Variants in DOCK7 observed in about 807,000 individuals in gnomAD.
The protein encoded by DOCK7 is dedicator of cytokinesis 7, also known as dedicator of cytokinesis protein 7.
Under a neutral mutation model 271.0 loss-of-function variants are expected in DOCK7, and 138 were observed. The observed-to-expected ratio is 0.51, with a 90% CI of 0.44 to 0.59. DOCK7 has a LOEUF of 0.59. Ranked by LOEUF, DOCK7 falls within the 20% of genes least tolerant of loss-of-function variation. DOCK7 has a pLI of 0.00. For synonymous variants in DOCK7, 823 were observed against 876.1 expected, an observed-to-expected ratio of 0.94 and a Z score of 1.07; for missense variants, 2,066 against 2,592.4, an observed-to-expected ratio of 0.80 and a Z score of 4.41.
chr1:62,470,315 A>G (rs1017830389), intron 48 of DOCK7, among the ~76,000 whole-genome samples: 4 of 152,234 alleles, frequency 2.6e-5, no homozygotes, highest in African/African-American at 9.6e-5. Context: ...TAACTCAGGA[A>G]TGAAAAAACC....
intron 23 of DOCK7, among the ~76,000 whole-genome samples, chr1:62,544,046 C>A (rs1167419081): frequency 6.6e-6 from 1 of 151,900 alleles, no homozygotes; most frequent in Non-Finnish European, 1.5e-5. Flanking sequence ...TATACATGCA[C>A]ATATCTAGTA....
intron 18 of DOCK7, among the ~76,000 whole-genome samples, chr1:62,568,038 G>T (rs1220195985): frequency 6.6e-6 from 1 of 151,960 alleles, no homozygotes; most frequent in African/African-American, 2.4e-5. Context: ...CAAAATAACT[G>T]AAATAATAAC....
intron 12 of DOCK7, among the ~76,000 whole-genome samples, chr1:62,621,765 G>C (rs1035797092): frequency 6.6e-5 from 10 of 152,248 alleles, no homozygotes; most frequent in Non-Finnish European, 1.5e-4. Context: ...TGTTCTATCA[G>C]TTGTTGAAAA....
At chr1:62,527,026 A>G (rs754116620) in intron 31 of DOCK7, among the ~76,000 whole-genome samples, 3 of 152,190 alleles carry the variant, frequency 2.0e-5, no homozygotes, top group Non-Finnish European at 2.9e-5. Flanking sequence ...AAAAACCATT[A>G]AGGTATATAT....
chr1:62,486,659 C>T (rs1646302762), intron 43 of DOCK7: 1 of 151,994 alleles, frequency 6.6e-6, no homozygotes, highest in Non-Finnish European at 1.5e-5. Context: ...TCTTATCAAA[C>T]AATATATCAA....
At position 62,631,280 on chromosome 1, in the gene DOCK7, A is replaced by G; in HGVS notation, c.1242T>C (p.Ser414=). Residue 414 remains serine, a synonymous_variant, in exon 11 of 50, where the codon AGT becomes AGC. Coordinates refer to ENST00000635253, the MANE Select transcript of DOCK7 (RefSeq NM_001367561.1). ...HLMNIVSSAG[S]LERDSTEVEI... is the part of the protein sequence containing the mutation. ...CTACTTCTGTAGAATCTCTTTCCAA[A>G]CTCCCAGCACTGCTAACAATATTCA... The G allele has an allele frequency of 6.2e-7, 1 of 1,610,514 alleles. No individual in the cohort carries two copies. Among genetic ancestry groups the G allele is most frequent in the Non-Finnish European group, 8.5e-7 (1 of 1,178,886 alleles).
chr1:62,644,884 G>C (rs1006660598), intron 7 of DOCK7, among the ~76,000 whole-genome samples: 6 of 152,088 alleles, frequency 3.9e-5, no homozygotes, highest in African/African-American at 1.4e-4. Flanking sequence ...TTTAATGAGA[G>C]ACAAACAAAA....
At chr1:62,519,434 C>A (rs895891312) in intron 31 of DOCK7, among the ~76,000 whole-genome samples, 1 of 151,912 alleles carries the variant, frequency 6.6e-6, no homozygotes, top group South Asian at 2.1e-4. Context: ...TTTAATTTGG[C>A]CAAAATCAGA....
At chr1:62,578,520 G>A (rs796327889) in intron 17 of DOCK7, among the ~76,000 whole-genome samples, 1 of 152,108 alleles carries the variant, frequency 6.6e-6, no homozygotes, top group African/African-American at 2.4e-5. Flanking sequence ...AAGAGTTTGA[G>A]ACCAACTTGG....
intron 48 of DOCK7, among the ~76,000 whole-genome samples, chr1:62,461,249 TATC>T (rs1309360582): frequency 6.6e-6 from 1 of 152,110 alleles, no homozygotes; most frequent in African/African-American, 2.4e-5. Context: ...ACGTCCTAAA[TATC>T]ATTATAAGAC....
At chr1:62,597,633 A>AG (rs779437563) in intron 14 of DOCK7, 1 of 1,613,246 alleles carries the variant, frequency 6.2e-7, no homozygotes, top group Non-Finnish European at 8.5e-7. Context: ...TGATCAAGAC[A>AG]ATTCATCATT....
intron 1 of DOCK7, among the ~76,000 whole-genome samples, chr1:62,681,541 T>TAAAAAA (rs972472061): frequency 1.8e-4 from 2 of 11,062 alleles, no homozygotes; most frequent in Non-Finnish European, 5.9e-4. Context: ...TAATAAAAAA[T>TAAAAAA]AAAAAAAATA....
At chr1:62,544,150 A>G (rs1306738490) in intron 23 of DOCK7, among the ~76,000 whole-genome samples, 1 of 152,214 alleles carries the variant, frequency 6.6e-6, no homozygotes, top group African/African-American at 2.4e-5. Context: ...AAAGTTTAGA[A>G]TAATTTCTTT....
In DOCK7 at chr1:62,455,527, A is replaced by G. The variant is rs773300784; in HGVS notation, c.6381-71T>C. 9 of 1,460,140 alleles carry G rather than the reference A, an allele frequency of 6.2e-6. No homozygotes were observed. The East Asian group carries it at 2.1e-4, about 34-fold the overall frequency. 90.4% of individuals were successfully genotyped at this position (1,460,140 alleles called of 1,614,324 possible). A position where few individuals can be genotyped will look rare whatever the true frequency, so the allele number is the denominator to read the frequency against. ...TTGCATATACCTTTAAATGTCTTAC[A>G]TGGTTTTTTCTGCCAGTTACCTTAA... On this transcript the variant is annotated intron_variant, in intron 49 of 49. Transcript: ENST00000635253.
intron 14 of DOCK7, among the ~76,000 whole-genome samples, chr1:62,588,379 T>C (rs1476150903): frequency 3.3e-5 from 5 of 152,156 alleles, no homozygotes; most frequent in Non-Finnish European, 7.4e-5. Flanking sequence ...GCAAAAGCCC[T>C]ATAGGAGGAA....
Position 62,588,415 on chromosome 1 carries a change from G to A in DOCK7, c.1683-1791C>T, listed in dbSNP as rs541137020. The stretch of plus-strand genomic sequence containing the variant: ...AAAATAGGTACCTAGCTGTCTGTGG[G>A]GAAGTCTTTTCATTTATAAGATCCC... On this transcript the variant is annotated intron_variant, in intron 14 of 49. Transcript: ENST00000635253. Among the ~76,000 whole-genome samples, 15 of 152,220 alleles carry A rather than the reference G, an allele frequency of 9.9e-5. No individual in the cohort carries two copies. The East Asian group carries it at 2.9e-3, about 29-fold the overall frequency.
At chr1:62,490,944 A>C (rs1188252664) in intron 41 of DOCK7, among the ~76,000 whole-genome samples, 5 of 152,202 alleles carry the variant, frequency 3.3e-5, no homozygotes, top group African/African-American at 1.2e-4. Context: ...AGAGTCTCAC[A>C]ATTGCCAATA....
At chr1:62,505,627 C>G (rs927203660) in intron 36 of DOCK7, 55 bp downstream of exon 36, 2 of 1,548,670 alleles carry the variant, frequency 1.3e-6, no homozygotes, top group Non-Finnish European at 1.7e-6. Flanking sequence ...TGATCTTAGA[C>G]AATGTTAATA....
At chr1:62,602,988 C>CT (rs1188141067) in intron 14 of DOCK7, among the ~76,000 whole-genome samples, 10 of 151,732 alleles carry the variant, frequency 6.6e-5, no homozygotes, top group African/African-American at 2.4e-4. Context: ...TGAATGATGT[C>CT]TAAGTACTCA....
Sources: gnomAD v4.1 joint callset for allele counts (sites outside exome capture counted in the v4.1 genomes callset) on GRCh38, gnomAD v4.1.1 for gene constraint, MANE v1.5 for transcripts, NCBI Gene and HGNC (gene_info 2026-07-23, HGNC 2026-07-21) for gene names.